SCLT1: variants seen among roughly 807,000 people sequenced by gnomAD.
SCLT1 encodes sodium channel-associated protein 1.
SCLT1 carries 78 observed loss-of-function variants against 112.8 expected under a neutral mutation model. The ratio of observed to expected loss-of-function variants is 0.69; its 90% CI spans 0.58 to 0.83. SCLT1 has a LOEUF of 0.83. SCLT1 is among the 40% of genes least tolerant of loss of function. The probability of loss-of-function intolerance (pLI) is 0.00; values close to 1 mark genes in which losing one functional copy is unlikely to be tolerated. For missense variants in SCLT1, 747 were observed against 770.4 expected (o/e 0.97, Z 0.36); for synonymous variants, 257 against 254.7 (o/e 1.01, Z -0.09).
rs748010222 is a variant in SCLT1 at position 128,936,785 on chromosome 4, C to T, written c.1699G>A (p.Glu567Lys). ...RGFEVQLREM[E>K]DSNRNSIVEL... Reference sequence around the variant, plus strand: ...ACAATGGAATTTCTATTACTGTCTTCCATCTCTCTCAATTGAACTTCAAAT... The same window carrying T: ...ACAATGGAATTTCTATTACTGTCTTTCATCTCTCTCAATTGAACTTCAAAT... Residue 567 changes from glutamate to lysine, a missense_variant, in exon 18 of 21, where the codon GAA (glutamate) becomes AAA (lysine). By Grantham distance (56) the Glu-to-Lys change is moderately conservative. Transcript: ENST00000281142. 2.5e-6 allele frequency: 4 copies of T among 1,608,280 alleles called. No individual in the cohort carries two copies. Among genetic ancestry groups the T allele is most frequent in the Non-Finnish European group, 3.4e-6 (4 of 1,175,266 alleles).
intron 18 of SCLT1, among the ~76,000 whole-genome samples, chr4:128,921,110 T>G (rs1014832101): frequency 9.2e-5 from 14 of 152,096 alleles, no homozygotes; most frequent in Admixed American, 7.2e-4. Flanking sequence ...GGGAAAGATC[T>G]CTACAATGAG....
chr4:129,043,939 CTAA>C lies in SCLT1; in HGVS notation c.161+51_161+53del, dbSNP rs1384034644. The C allele has an allele frequency of 4.6e-6, 4 of 870,426 alleles. No individual in the cohort carries two copies. In the African/African-American group the frequency reaches 5.2e-5, roughly 11 times the overall value. The allele number at this position is 870,426 out of a possible 1,614,324, so 53.9% of individuals were successfully genotyped here. ...CAAACATTCCTGATACTGAATTATG[CTAA>C]TAATAATTAAATATAACGAAGAAAA... On this transcript the variant is annotated intron_variant, in intron 3 of 20. Coordinates refer to ENST00000281142, the MANE Select transcript of SCLT1 (RefSeq NM_144643.4).
rs1035770242 is a variant in SCLT1, at chr4:129,033,328, T to C, written c.290+5713A>G. ...GACACAGGGAGGGGAACATCACACA[T>C]TGGGGCCTATTCGGGGGTGGGGGGC... On this transcript the variant is annotated intron_variant, in intron 5 of 20. Coordinates refer to ENST00000281142, the MANE Select transcript of SCLT1 (RefSeq NM_144643.4). 1.5e-4 allele frequency among the ~76,000 whole-genome samples: 23 copies of C among 150,370 alleles called. No individual in the cohort carries two copies. In the South Asian group the frequency reaches 1.7e-3, roughly 11 times the overall value.
intron 13 of SCLT1, 48 bp downstream of exon 13, chr4:128,956,978 T>C (rs200635319): frequency 2.7e-5 from 27 of 1,002,740 alleles, no homozygotes; most frequent in Non-Finnish European, 1.7e-5. Context: ...ATTTAGTCTT[T>C]AGTTGTGACT....
chr4:129,091,520 C>T (rs1247114756), intron 1 of SCLT1, among the ~76,000 whole-genome samples: 7 of 151,992 alleles, frequency 4.6e-5, no homozygotes, highest in African/African-American at 9.7e-5. Context: ...CTGACTCTAG[C>T]CAAACTCCTC....
intron 3 of SCLT1, among the ~76,000 whole-genome samples, chr4:128,877,303 G>A (rs1400471650): frequency 2.0e-5 from 3 of 152,160 alleles, no homozygotes; most frequent in Non-Finnish European, 4.4e-5. Flanking sequence ...ATTTGCTCAA[G>A]GTCAGTAGGG....
intron 10 of SCLT1, among the ~76,000 whole-genome samples, chr4:128,968,656 T>C (rs1740415397): frequency 6.6e-6 from 1 of 152,208 alleles, no homozygotes; most frequent in Admixed American, 6.5e-5. Flanking sequence ...AACTCAATAG[T>C]GTAGATAATA....
At chr4:128,917,645 T>C (rs1249695817) in intron 18 of SCLT1, among the ~76,000 whole-genome samples, 2 of 152,156 alleles carry the variant, frequency 1.3e-5, no homozygotes, top group African/African-American at 4.8e-5. Context: ...GTTATTCAGA[T>C]TAATCAATTC....
chr4:128,893,082 A>C (rs532253956), intron 18 of SCLT1, among the ~76,000 whole-genome samples: 1 of 152,306 alleles, frequency 6.6e-6, no homozygotes, highest in Admixed American at 6.5e-5. Context: ...ATAAATTGTG[A>C]GTATAATTGA....
intron 2 of SCLT1, among the ~76,000 whole-genome samples, chr4:129,069,847 A>G (rs575483015): frequency 6.6e-6 from 1 of 152,218 alleles, no homozygotes; most frequent in African/African-American, 2.4e-5. Flanking sequence ...CTCAGAGAGA[A>G]TGCTTTCCAC....
chr4:128,976,062 T>C (rs1741149428), intron 9 of SCLT1, among the ~76,000 whole-genome samples: 1 of 152,212 alleles, frequency 6.6e-6, no homozygotes, highest in African/African-American at 2.4e-5. Context: ...AAATTATACA[T>C]AGTTTCAGGT....
intron 5 of SCLT1, among the ~76,000 whole-genome samples, chr4:129,004,372 T>A (rs1001858917): frequency 6.6e-6 from 1 of 152,078 alleles, no homozygotes. Flanking sequence ...TCGCTGGCTA[T>A]AAAACCAAGA....
At chr4:129,030,450 A>T (rs1046759456) in intron 5 of SCLT1, among the ~76,000 whole-genome samples, 4 of 152,196 alleles carry the variant, frequency 2.6e-5, no homozygotes, top group African/African-American at 9.6e-5. Context: ...AAGACAATGA[A>T]TAACTAAGAT....
intron 9 of SCLT1, among the ~76,000 whole-genome samples, chr4:128,982,014 G>C (rs910959619): frequency 1.3e-5 from 2 of 150,172 alleles, no homozygotes; most frequent in Non-Finnish European, 3.0e-5. Context: ...CTGCAGCTCA[G>C]ATGAGAAAGT....
downstream of SCLT1, among the ~76,000 whole-genome samples, chr4:128,883,014 C>T (rs1384391168): frequency 2.6e-5 from 4 of 151,558 alleles, no homozygotes; most frequent in Non-Finnish European, 2.9e-5. Context: ...GGTGTGGTGG[C>T]GGGTGCCTGT....
intron 5 of SCLT1, among the ~76,000 whole-genome samples, chr4:129,027,679 C>T (rs1446252885): frequency 6.6e-6 from 1 of 151,920 alleles, no homozygotes. Context: ...CTGGCCAGGG[C>T]AATTAGGCAG....
intron 17 of SCLT1, among the ~76,000 whole-genome samples, chr4:128,941,945 A>C (rs1032529147): frequency 6.6e-6 from 1 of 152,106 alleles, no homozygotes; most frequent in Non-Finnish European, 1.5e-5. Context: ...GTTATAAATC[A>C]AGTGATTATG....
intron 1 of SCLT1, among the ~76,000 whole-genome samples, chr4:129,089,074 G>A (rs1472760987): frequency 6.6e-6 from 1 of 152,148 alleles, no homozygotes; most frequent in Non-Finnish European, 1.5e-5. Flanking sequence ...ACAACCTACA[G>A]AATGGAAGAA....
At chr4:128,932,930 C>A (rs1560856787) in intron 18 of SCLT1, among the ~76,000 whole-genome samples, 1 of 152,038 alleles carries the variant, frequency 6.6e-6, no homozygotes, top group Non-Finnish European at 1.5e-5. Flanking sequence ...CTACCAAAAA[C>A]TGATAAAAGA....
Sources: gnomAD v4.1 joint callset for allele counts (sites outside exome capture counted in the v4.1 genomes callset) on GRCh38, gnomAD v4.1.1 for gene constraint, MANE v1.5 for transcripts, NCBI Gene and HGNC (gene_info 2026-07-23, HGNC 2026-07-21) for gene names.